Variants in PRICKLE1 observed in about 807,000 individuals in gnomAD.
PRICKLE1 encodes the protein prickle planar cell polarity protein 1.
In PRICKLE1, 14 loss-of-function variants were observed where a neutral mutation model predicts 70.2. That is an observed-to-expected ratio of 0.20 (90% CI 0.13 to 0.31). The LOEUF (loss-of-function observed/expected upper bound fraction) is 0.31. Ranked by LOEUF, PRICKLE1 falls within the 10% of genes least tolerant of loss-of-function variation. PRICKLE1 has a pLI of 1.00. For missense variants in PRICKLE1, 821 were observed against 1,026.2 expected, an observed-to-expected ratio of 0.80 and a Z score of 2.73; for synonymous variants, 357 against 379.9, an observed-to-expected ratio of 0.94 and a Z score of 0.70.
chr12:42,484,333 C>T (rs1370610338), intron 1 of PRICKLE1: 1 of 152,170 alleles, frequency 6.6e-6, no homozygotes, highest in African/African-American at 2.4e-5. Flanking sequence ...GATGCAAATA[C>T]CCTAGGACGC....
intron 1 of PRICKLE1, among the ~76,000 whole-genome samples, chr12:42,555,021 G>A (rs1021246752): frequency 3.3e-5 from 5 of 152,012 alleles, no homozygotes; most frequent in African/African-American, 1.2e-4. Flanking sequence ...TAAATTCTCA[G>A]GCCGGGCGCA....
chr12:42,460,305 C>A lies in PRICKLE1; in HGVS notation c.2000G>T (p.Gly667Val), dbSNP rs1937771562. ...GCGGCGGTGGTGATGAGACCTGGAT[C>A]CCCTCTCTTCAAAATTGTAGACGCG... The part of the protein sequence containing the change: ...RRRVYNFEER[G>V]SRSHHHRRRR... Residue 667 changes from glycine to valine, a missense_variant, in exon 8 of 8, where the codon GGA becomes GTA. By Grantham distance (109) the Gly-to-Val change is moderately radical. Transcript: ENST00000345127. 6.2e-7 allele frequency: 1 copy of A among 1,614,070 alleles called. No homozygotes were observed. Among genetic ancestry groups the A allele is most frequent in the African/African-American group, 1.3e-5 (1 of 74,990 alleles).
intron 1 of PRICKLE1, among the ~76,000 whole-genome samples, chr12:42,573,034 C>A (rs113538193): frequency 0.012 from 1,777 of 152,034 alleles, 35 homozygotes; most frequent in African/African-American, 0.037. Context: ...TTTTTTAAAT[C>A]AGTTAATCCA....
At chr12:42,483,610 T>A (rs2140159618) in intron 1 of PRICKLE1, 1 of 151,904 alleles carries the variant, frequency 6.6e-6, no homozygotes, top group Non-Finnish European at 1.5e-5. Flanking sequence ...GGGTCCCCAC[T>A]ACATTGCAGC....
intron 1 of PRICKLE1, chr12:42,485,234 G>A (rs537544552): frequency 1.4e-5 from 2 of 138,364 alleles, no homozygotes; most frequent in East Asian, 4.4e-4. Context: ...TAAGGCAGCT[G>A]AGAAGTTTTT....
At chr12:42,559,452 A>G (rs2120692976) in intron 1 of PRICKLE1, among the ~76,000 whole-genome samples, 1 of 151,376 alleles carries the variant, frequency 6.6e-6, no homozygotes, top group East Asian at 1.9e-4. Flanking sequence ...GCGATCATAG[A>G]TCACTATAGC....
At chr12:42,552,945 T>C (rs1430122110) in intron 1 of PRICKLE1, among the ~76,000 whole-genome samples, 2 of 152,130 alleles carry the variant, frequency 1.3e-5, no homozygotes, top group Non-Finnish European at 1.5e-5. Flanking sequence ...CAATAGAGTT[T>C]GAGCTCCTCT....
intron 1 of PRICKLE1, among the ~76,000 whole-genome samples, chr12:42,498,174 CTCTT>C (rs1475734093): frequency 1.6e-5 from 2 of 125,950 alleles, no homozygotes; most frequent in African/African-American, 7.0e-5. Flanking sequence ...TTTTCTCTCT[CTCTT>C]TTTTTTTTTT....
chr12:42,519,639 A>G (rs1346070271), intron 1 of PRICKLE1, among the ~76,000 whole-genome samples: 2 of 152,210 alleles, frequency 1.3e-5, no homozygotes, highest in African/African-American at 2.4e-5. Context: ...AAAATGGCCT[A>G]TTCTTTTGGT....
chr12:42,533,829 A>G (rs1939968159), intron 1 of PRICKLE1, among the ~76,000 whole-genome samples: 1 of 152,088 alleles, frequency 6.6e-6, no homozygotes, highest in Admixed American at 6.6e-5. Flanking sequence ...TTCTTCTGAC[A>G]CTCTTCATCT....
chr12:42,539,671 T>C (rs535638897), intron 1 of PRICKLE1, among the ~76,000 whole-genome samples: 184 of 152,322 alleles, frequency 1.2e-3, no homozygotes, highest in Non-Finnish European at 2.2e-3. Flanking sequence ...TGTAATCAGT[T>C]ATTAATTAAA....
At chr12:42,579,553 T>C (rs924999245) in intron 1 of PRICKLE1, among the ~76,000 whole-genome samples, 10 of 152,188 alleles carry the variant, frequency 6.6e-5, no homozygotes, top group African/African-American at 1.9e-4. Flanking sequence ...TTTCCAGTTA[T>C]ATGTGCAAAC....
At chr12:42,561,252 GA>G (rs1566127302) in intron 1 of PRICKLE1, among the ~76,000 whole-genome samples, 2 of 152,104 alleles carry the variant, frequency 1.3e-5, no homozygotes, top group Admixed American at 6.5e-5. Context: ...TGTTGCAAGC[GA>G]AAGATCTATT....
rs567275648 is a variant in PRICKLE1 at position 42,475,512 on chromosome 12, G to C, written c.-48-2948C>G. On this transcript the variant is annotated intron_variant, in intron 1 of 7. Transcript: ENST00000345127. ...CCCTGCAACCCCACACTGCCTCCAG[G>C]GGGGGAGTGCTGATGGAGCCAATTC... 4.8e-4 allele frequency among the ~76,000 whole-genome samples: 73 copies of C among 152,190 alleles called. 1 individual carries two copies. Among genetic ancestry groups the C allele is most frequent in the African/African-American group, 1.6e-3 (65 of 41,502 alleles).
At chr12:42,550,645 C>A (rs6582401) in intron 1 of PRICKLE1, among the ~76,000 whole-genome samples, 149,101 of 152,314 alleles carry the variant, frequency 0.98, 73,051 homozygotes, top group Middle Eastern at 1. Flanking sequence ...TTTTCAACTG[C>A]TACTCAGATT....
intron 7 of PRICKLE1, among the ~76,000 whole-genome samples, chr12:42,461,223 T>G (rs1425542167): frequency 6.6e-6 from 1 of 152,196 alleles, no homozygotes; most frequent in Admixed American, 6.5e-5. Flanking sequence ...AAAGATTAGT[T>G]AAGTAGTTAC....
At chr12:42,522,858 A>G (rs568820790) in intron 1 of PRICKLE1, among the ~76,000 whole-genome samples, 9 of 152,334 alleles carry the variant, frequency 5.9e-5, no homozygotes, top group Admixed American at 5.9e-4. Context: ...ACTCTCATGA[A>G]GAAAGCAAGT....
intron 1 of PRICKLE1, among the ~76,000 whole-genome samples, chr12:42,538,723 C>T (rs764472607): frequency 3.7e-4 from 57 of 152,248 alleles, no homozygotes; most frequent in Non-Finnish European, 6.6e-4. Context: ...AGACACAGAA[C>T]CACATATTAT....
chr12:42,499,370 C>T (rs891183789), intron 1 of PRICKLE1, among the ~76,000 whole-genome samples: 3 of 151,888 alleles, frequency 2.0e-5, no homozygotes, highest in African/African-American at 7.3e-5. Context: ...ATATGCTTTG[C>T]TTTTCCTGGC....
Sources: allele counts gnomAD v4.1 joint callset (sites outside exome capture counted in the v4.1 genomes callset), GRCh38; gene constraint gnomAD v4.1.1; transcripts MANE v1.5; gene names NCBI Gene and HGNC (gene_info 2026-07-23, HGNC 2026-07-21).